EPHA3: variants seen among roughly 807,000 people sequenced by gnomAD.
EPHA3 encodes ephrin type-A receptor 3.
Under a neutral mutation model 107.1 loss-of-function variants are expected in EPHA3, and 42 were observed. That is an observed-to-expected ratio of 0.39 (90% CI 0.31 to 0.51). The LOEUF is 0.51. Ranked by LOEUF, EPHA3 falls within the 20% of genes least tolerant of loss-of-function variation. The probability of loss-of-function intolerance (pLI) is 0.78; values close to 1 mark genes in which losing one functional copy is unlikely to be tolerated. For missense variants in EPHA3, 1,183 were observed against 1,211.2 expected, an observed-to-expected ratio of 0.98 and a Z score of 0.35; for synonymous variants, 461 against 424.8, an observed-to-expected ratio of 1.09 and a Z score of -1.05.
intron 3 of EPHA3, among the ~76,000 whole-genome samples, chr3:89,269,647 A>T (rs2018357): frequency 6.7e-6 from 1 of 149,230 alleles, no homozygotes; most frequent in Non-Finnish European, 1.5e-5. Context: ...GTACATGTGC[A>T]CATTGTGCAG....
At chr3:89,211,372 T>C (rs1704076508) in intron 3 of EPHA3, among the ~76,000 whole-genome samples, 1 of 152,104 alleles carries the variant, frequency 6.6e-6, no homozygotes, top group African/African-American at 2.4e-5. Context: ...CAAGGTTTTA[T>C]GCTTAAGAAC....
intron 2 of EPHA3, among the ~76,000 whole-genome samples, chr3:89,154,692 A>C (rs1309493727): frequency 6.6e-6 from 1 of 151,606 alleles, no homozygotes; most frequent in Non-Finnish European, 1.5e-5. Context: ...GATTGCTCAA[A>C]TGTTGGAACA....
intron 2 of EPHA3, among the ~76,000 whole-genome samples, chr3:89,202,527 AAAAAAAAATAT>A (rs201427238): frequency 0.39 from 45,440 of 116,372 alleles, 8,742 homozygotes; most frequent in East Asian, 0.51. Context: ...AAAAAAAAAA[AAAAAAAAATAT>A]ATATATATAT....
intron 5 of EPHA3, among the ~76,000 whole-genome samples, chr3:89,344,416 GT>G (rs1484031672): frequency 6.6e-6 from 1 of 152,112 alleles, no homozygotes; most frequent in Non-Finnish European, 1.5e-5. Flanking sequence ...TCACTAATGT[GT>G]TTATAATATG....
intron 2 of EPHA3, among the ~76,000 whole-genome samples, chr3:89,160,565 T>A (rs1704908942): frequency 7.5e-6 from 1 of 133,164 alleles, no homozygotes; most frequent in South Asian, 2.4e-4. Flanking sequence ...TGTGTGTGTG[T>A]GTGTGTGTGT....
Position 89,215,017 on chromosome 3 carries a change from C to A in EPHA3, c.814+4497C>A, listed in dbSNP as rs1026823211. Among the ~76,000 whole-genome samples, 5 of 151,694 alleles carry A rather than the reference C, an allele frequency of 3.3e-5. No homozygotes were observed. In the East Asian group the frequency reaches 9.6e-4, roughly 29 times the overall value. On this transcript the variant is annotated intron_variant, in intron 3 of 16. Coordinates refer to ENST00000336596, the MANE Select transcript of EPHA3 (RefSeq NM_005233.6). ...GTTTAGTTAGTTGGAAAGGATATAC[C>A]AATAAATAATGCCCTTGCCTTGAAA...
At position 89,127,638 on chromosome 3, in the gene EPHA3, A is replaced by T. The variant is rs533661175; in HGVS notation, c.153+365A>T. Among the ~76,000 whole-genome samples the T allele has an allele frequency of 1.2e-4, 18 of 152,088 alleles. 1 individual carries two copies. In the East Asian group the frequency reaches 3.3e-3, roughly 28 times the overall value. The stretch of plus-strand genomic sequence containing the variant: ...AGAAAGTGTGTATTTGGAGACGGTA[A>T]TCTCCAAAGTCATAGCCTTAAAATC... On this transcript the variant is annotated intron_variant, in intron 2 of 16. Transcript: ENST00000336596.
intron 2 of EPHA3, among the ~76,000 whole-genome samples, chr3:89,200,429 G>A (rs1436717798): frequency 6.6e-6 from 1 of 152,156 alleles, no homozygotes; most frequent in Non-Finnish European, 1.5e-5. Context: ...ATCTTTTTGG[G>A]AAATGTTCAG....
chr3:89,419,739 C>A (rs117838905), intron 11 of EPHA3, among the ~76,000 whole-genome samples: 1 of 151,384 alleles, frequency 6.6e-6, no homozygotes, highest in East Asian at 1.9e-4. Context: ...GACAGGAACT[C>A]CCAGCTAGCT....
chr3:89,422,064 A>G (rs1482593169), intron 11 of EPHA3, among the ~76,000 whole-genome samples: 1 of 151,196 alleles, frequency 6.6e-6, no homozygotes, highest in African/African-American at 2.4e-5. Flanking sequence ...TGTAAATATA[A>G]TAGAGTAGTA....
In EPHA3 at chr3:89,313,445, TGTTA is replaced by T. The variant is rs368312788; in HGVS notation, c.815-27467_815-27464del. On this transcript the variant is annotated intron_variant, in intron 3 of 16. Coordinates refer to ENST00000336596, the MANE Select transcript of EPHA3 (RefSeq NM_005233.6). ...CTTTAATCTTTTGTTTTTGTTACAC[TGTTA>T]GTTTAACAAAATGATTAGTAAATAT... Among the ~76,000 whole-genome samples, 64 of 152,098 alleles carry T rather than the reference TGTTA, an allele frequency of 4.2e-4. No homozygotes were observed. In the East Asian group the frequency reaches 7.5e-3, roughly 18 times the overall value.
At chr3:89,194,148 T>G (rs1417263808) in intron 2 of EPHA3, among the ~76,000 whole-genome samples, 1 of 152,042 alleles carries the variant, frequency 6.6e-6, no homozygotes, top group Admixed American at 6.6e-5. Context: ...TAACTTTTCT[T>G]TAAAAATACT....
chr3:89,260,855 CT>C (rs1217438426), intron 3 of EPHA3, among the ~76,000 whole-genome samples: 1 of 152,212 alleles, frequency 6.6e-6, no homozygotes, highest in Non-Finnish European at 1.5e-5. Flanking sequence ...TGAATGGCTG[CT>C]TTTTCCCATT....
chr3:89,270,527 G>A (rs150314396), intron 3 of EPHA3, among the ~76,000 whole-genome samples: 131 of 152,138 alleles, frequency 8.6e-4, no homozygotes, highest in African/African-American at 3.0e-3. Flanking sequence ...TTTAAATTGT[G>A]TAGCCTGAGT....
At chr3:89,158,120 C>G (rs186677947) in intron 2 of EPHA3, among the ~76,000 whole-genome samples, 5 of 152,214 alleles carry the variant, frequency 3.3e-5, no homozygotes, top group Admixed American at 2.6e-4. Flanking sequence ...CAATGGGACA[C>G]ATTCTATTAT....
At chr3:89,230,869 T>TCTGCTCCC (rs1337842406) in intron 3 of EPHA3, among the ~76,000 whole-genome samples, 3 of 151,180 alleles carry the variant, frequency 2.0e-5, no homozygotes, top group Non-Finnish European at 1.5e-5. Context: ...TTTGCTTTTA[T>TCTGCTCCC]CTGCTCCCCA....
At chr3:89,298,845 G>T (rs1207613364) in intron 3 of EPHA3, among the ~76,000 whole-genome samples, 1 of 151,988 alleles carries the variant, frequency 6.6e-6, no homozygotes, top group Non-Finnish European at 1.5e-5. Context: ...GTAAGGAAAA[G>T]AACTCAAAAT....
intron 2 of EPHA3, among the ~76,000 whole-genome samples, chr3:89,196,042 A>G (rs186659988): frequency 1.1e-4 from 17 of 151,998 alleles, no homozygotes; most frequent in African/African-American, 3.6e-4. Flanking sequence ...TCCTTCTCCC[A>G]GTCATTCTCT....
intron 2 of EPHA3, among the ~76,000 whole-genome samples, chr3:89,194,681 AT>A (rs1342518772): frequency 6.6e-6 from 1 of 152,034 alleles, no homozygotes; most frequent in Non-Finnish European, 1.5e-5. Context: ...AAATACATGT[AT>A]TTTTTATAGT....
Sources: allele counts gnomAD v4.1 joint callset (sites outside exome capture counted in the v4.1 genomes callset), GRCh38; gene constraint gnomAD v4.1.1; transcripts MANE v1.5; gene names NCBI Gene and HGNC (gene_info 2026-07-23, HGNC 2026-07-21).